ANO4: variants seen among roughly 807,000 people sequenced by gnomAD.
ANO4 encodes the protein anoctamin-4.
A neutral mutation model predicts 141.9 loss-of-function variants in ANO4; 69 were observed. The ratio of observed to expected loss-of-function variants is 0.49; its 90% CI spans 0.40 to 0.59. The LOEUF (loss-of-function observed/expected upper bound fraction) is 0.59, where lower values mean the gene tolerates loss of function less well. Ranked by LOEUF, ANO4 falls within the 20% of genes least tolerant of loss-of-function variation. The pLI, the probability that ANO4 is intolerant of heterozygous loss-of-function variation, is 0.00. For synonymous variants in ANO4, 350 were observed against 394.3 expected, an observed-to-expected ratio of 0.89 and a Z score of 1.33; for missense variants, 894 against 1,162.2, an observed-to-expected ratio of 0.77 and a Z score of 3.36.
chr12:101,120,488 T>C, intron 25 of ANO4, 32 bp from the exon 26 acceptor site: 2 of 1,566,328 alleles, frequency 1.3e-6, no homozygotes, highest in Non-Finnish European at 1.8e-6. Flanking sequence ...AAAATCATAG[T>C]TTGAATGCAA....
At chr12:100,780,004 T>C (rs1261135367) in intron 3 of ANO4, among the ~76,000 whole-genome samples, 1 of 152,188 alleles carries the variant, frequency 6.6e-6, no homozygotes, top group Non-Finnish European at 1.5e-5. Flanking sequence ...GCTTTTAACT[T>C]ACAAACTTTA....
intron 2 of ANO4, among the ~76,000 whole-genome samples, chr12:100,735,361 CAGACCCTGGTTTGA>C (rs1268321519): frequency 6.6e-6 from 1 of 151,718 alleles, no homozygotes; most frequent in Non-Finnish European, 1.5e-5. Context: ...GGAGAGCTCG[CAGACCCTGGTTTGA>C]AAACACTGAG....
intron 26 of ANO4, among the ~76,000 whole-genome samples, chr12:101,126,207 T>C (rs1318753213): frequency 1.3e-5 from 2 of 152,208 alleles, no homozygotes; most frequent in African/African-American, 4.8e-5. Context: ...CATTTGAACA[T>C]GATTTAGTCT....
rs185647482 is a variant in ANO4 at position 100,800,278 on chromosome 12, C to T, written c.-141+5251C>T. 1.6e-3 allele frequency among the ~76,000 whole-genome samples: 238 copies of T among 152,256 alleles called. 1 individual carries two copies. Among genetic ancestry groups the T allele is most frequent in the African/African-American group, 5.1e-3 (213 of 41,558 alleles). On this transcript the variant is annotated intron_variant, in intron 1 of 27. Coordinates refer to ENST00000392977, the MANE Select transcript of ANO4 (RefSeq NM_001286615.2). ...TCATTTACCTGTTACTTACTGAGCA[C>T]CTATTGTGTCCACCCTACTGCCAAG...
chr12:100,987,598 A>G lies in ANO4; in HGVS notation c.662A>G (p.Asp221Gly), dbSNP rs1268696217. Residue 221 changes from aspartate to glycine, a missense_variant, in exon 8 of 28, where the codon GAC becomes GGC. Coordinates refer to ENST00000392977, the MANE Select transcript of ANO4 (RefSeq NM_001286615.2). ...TTACCTAAGAAGCCAATGAGGCTGGACAAGGAGACACTGCCAGACCTGGAG... is the reference window on the plus strand; with the variant it reads ...TTACCTAAGAAGCCAATGAGGCTGGGCAAGGAGACACTGCCAGACCTGGAG... Reference protein sequence around the residue: ...RWLPKKPMRLDKETLPDLEEN... With the variant: ...RWLPKKPMRLGKETLPDLEEN... 7 of 1,614,004 alleles carry G rather than the reference A, an allele frequency of 4.3e-6. No homozygotes were observed. Among genetic ancestry groups the G allele is most frequent in the Non-Finnish European group, 5.9e-6 (7 of 1,180,002 alleles).
chr12:100,922,935 A>G (rs1376366412), intron 3 of ANO4, among the ~76,000 whole-genome samples: 2 of 152,144 alleles, frequency 1.3e-5, no homozygotes, highest in Non-Finnish European at 2.9e-5. Flanking sequence ...TTTAGCATTG[A>G]GGATGGGTGA....
chr12:101,003,040 A>G (rs550949973), intron 8 of ANO4, among the ~76,000 whole-genome samples: 95 of 152,180 alleles, frequency 6.2e-4, no homozygotes, highest in African/African-American at 2.2e-3. Flanking sequence ...GCTTTCTTAT[A>G]TGGATTGCCA....
chr12:100,758,571 A>ACTTATATC (rs2032715347), intron 3 of ANO4, among the ~76,000 whole-genome samples: 1 of 152,174 alleles, frequency 6.6e-6, no homozygotes. Flanking sequence ...GACAGCTGAC[A>ACTTATATC]CTTATATCAC....
intron 1 of ANO4, among the ~76,000 whole-genome samples, chr12:100,895,561 GT>G (rs201323252): frequency 1.3e-3 from 173 of 131,052 alleles, no homozygotes; most frequent in Non-Finnish European, 1.5e-3. Context: ...TCTGAGCTTT[GT>G]TTTTTTTTTT....
At chr12:101,080,866 A>ATATATATATATATAT (rs1566219284) in intron 15 of ANO4, among the ~76,000 whole-genome samples, 2 of 22,650 alleles carry the variant, frequency 8.8e-5, no homozygotes, top group Admixed American at 6.2e-4. Context: ...TAGGTTCTAG[A>ATATATATATATATAT]TATATATATA....
intron 18 of ANO4, among the ~76,000 whole-genome samples, chr12:101,094,601 AGT>A (rs1217537759): frequency 1.3e-5 from 2 of 152,222 alleles, no homozygotes; most frequent in Non-Finnish European, 2.9e-5. Flanking sequence ...AATTTAGGAA[AGT>A]GTTCATTTGC....
At chr12:100,773,037 C>T (rs998158227) in intron 3 of ANO4, among the ~76,000 whole-genome samples, 1 of 152,200 alleles carries the variant, frequency 6.6e-6, no homozygotes, top group Non-Finnish European at 1.5e-5. Flanking sequence ...ATATCATAAA[C>T]TGACCAGCTT....
chr12:100,748,998 C>A (rs1473385628), intron 3 of ANO4, among the ~76,000 whole-genome samples: 1 of 152,028 alleles, frequency 6.6e-6, no homozygotes, highest in Admixed American at 6.5e-5. Context: ...CATTTTTATG[C>A]ATTTTGGAAG....
At chr12:101,068,319 A>T in intron 14 of ANO4, 1 of 1,267,014 alleles carries the variant, frequency 7.9e-7, no homozygotes, top group Non-Finnish European at 1.1e-6. Context: ...GCTGACTTCA[A>T]TGGTCCTTGA....
At chr12:100,910,787 T>G (rs536280777) in intron 2 of ANO4, among the ~76,000 whole-genome samples, 2 of 152,178 alleles carry the variant, frequency 1.3e-5, no homozygotes, top group African/African-American at 2.4e-5. Context: ...TAGAGAAGTG[T>G]CATTAATCAC....
At chr12:100,755,958 A>G (rs1232827915) in intron 3 of ANO4, among the ~76,000 whole-genome samples, 1 of 152,226 alleles carries the variant, frequency 6.6e-6, no homozygotes, top group Admixed American at 6.5e-5. Context: ...GTTTGCAAAG[A>G]GATTCTGAAT....
At chr12:100,903,043 T>C (rs2040669401) in intron 2 of ANO4, among the ~76,000 whole-genome samples, 1 of 152,162 alleles carries the variant, frequency 6.6e-6, no homozygotes, top group African/African-American at 2.4e-5. Context: ...CACTTTTTCC[T>C]CCTCCCTTCC....
intron 5 of ANO4, among the ~76,000 whole-genome samples, chr12:100,948,036 C>A (rs536202155): frequency 4.7e-4 from 70 of 147,456 alleles, no homozygotes; most frequent in African/African-American, 1.2e-3. Context: ...ACAACAACAA[C>A]AAAAAAAATT....
chr12:100,737,578 G>T (rs1026429590), intron 2 of ANO4, among the ~76,000 whole-genome samples: 11 of 152,216 alleles, frequency 7.2e-5, no homozygotes, highest in African/African-American at 2.7e-4. Context: ...TGTGGGGTGG[G>T]ACAGATTCCC....
Sources: gnomAD v4.1 joint callset for allele counts (sites outside exome capture counted in the v4.1 genomes callset) on GRCh38, gnomAD v4.1.1 for gene constraint, MANE v1.5 for transcripts, NCBI Gene and HGNC (gene_info 2026-07-23, HGNC 2026-07-21) for gene names.